DOCK7: variants seen among roughly 807,000 people sequenced by gnomAD.
The protein encoded by DOCK7 is dedicator of cytokinesis protein 7.
A neutral mutation model predicts 271.0 loss-of-function variants in DOCK7; 138 were observed. That is an observed-to-expected ratio of 0.51 (90% CI 0.44 to 0.59). The LOEUF (loss-of-function observed/expected upper bound fraction) is 0.59, where lower values mean the gene tolerates loss of function less well. Ranked by LOEUF, DOCK7 falls within the 20% of genes least tolerant of loss-of-function variation. DOCK7 has a pLI of 0.00. For synonymous variants in DOCK7, 823 were observed against 876.1 expected (o/e 0.94, Z 1.07); for missense variants, 2,066 against 2,592.4 (o/e 0.80, Z 4.41).
intron 48 of DOCK7, among the ~76,000 whole-genome samples, chr1:62,472,850 A>G (rs1399596812): frequency 6.6e-6 from 1 of 152,152 alleles, no homozygotes. Context: ...CCAGCTCCTG[A>G]TAAAAACTTT....
chr1:62,460,098 CAAAAAAAAA>C (rs71053316), intron 48 of DOCK7, among the ~76,000 whole-genome samples: 3 of 66,022 alleles, frequency 4.5e-5, no homozygotes, highest in African/African-American at 1.9e-4. Flanking sequence ...AGACTCGTCT[CAAAAAAAAA>C]AAAAAAAAAA....
At chr1:62,528,403 A>G in intron 30 of DOCK7, 98 bp from the exon 31 acceptor site, 3 of 1,135,040 alleles carry the variant, frequency 2.6e-6, no homozygotes, top group Non-Finnish European at 3.6e-6. Context: ...ACTTGTTGAC[A>G]TGTTATAGTT....
intron 22 of DOCK7, among the ~76,000 whole-genome samples, chr1:62,549,579 C>G (rs763495111): frequency 6.6e-6 from 1 of 152,168 alleles, no homozygotes; most frequent in South Asian, 2.1e-4. Context: ...AAAGATGTAT[C>G]ATGTGTACTA....
At chr1:62,533,656 T>C (rs902666727) in intron 29 of DOCK7, among the ~76,000 whole-genome samples, 6 of 152,138 alleles carry the variant, frequency 3.9e-5, no homozygotes, top group African/African-American at 1.4e-4. Context: ...AAACTACTTC[T>C]TTAAAATAGA....
chr1:62,553,838 T>TGTGC (rs1030061198), intron 21 of DOCK7, among the ~76,000 whole-genome samples: 1 of 122,504 alleles, frequency 8.2e-6, no homozygotes, highest in Non-Finnish European at 2.0e-5. Flanking sequence ...CACACAGACG[T>TGTGC]GTGCGTGCGT....
intron 22 of DOCK7, among the ~76,000 whole-genome samples, chr1:62,549,469 T>G (rs530785366): frequency 1.3e-5 from 2 of 152,344 alleles, no homozygotes; most frequent in Non-Finnish European, 1.5e-5. Context: ...AAGGTAGCAG[T>G]TGAAATACTA....
chr1:62,464,422 C>T (rs529834375), intron 48 of DOCK7, among the ~76,000 whole-genome samples: 166 of 151,106 alleles, frequency 1.1e-3, no homozygotes, highest in African/African-American at 3.7e-3. Context: ...TGGCTCATGC[C>T]TGTAATCCCA....
chr1:62,542,463 G>T, intron 25 of DOCK7, 145 bp downstream of exon 25: 1 of 663,572 alleles, frequency 1.5e-6, no homozygotes, highest in Non-Finnish European at 2.5e-6. Flanking sequence ...ATTTAGAGAT[G>T]TAACACATGT....
At chr1:62,627,079 T>C (rs1467931259) in intron 11 of DOCK7, among the ~76,000 whole-genome samples, 1 of 152,182 alleles carries the variant, frequency 6.6e-6, no homozygotes, top group East Asian at 1.9e-4. Flanking sequence ...TTAAGGTTAA[T>C]TTAACATCCA....
intron 1 of DOCK7, among the ~76,000 whole-genome samples, chr1:62,676,746 G>T (rs1351723343): frequency 6.6e-6 from 1 of 152,200 alleles, no homozygotes; most frequent in East Asian, 1.9e-4. Context: ...TGATATGAAT[G>T]AAGGAGTTAG....
chr1:62,672,182 T>C (rs183315219), intron 1 of DOCK7, among the ~76,000 whole-genome samples: 163 of 152,294 alleles, frequency 1.1e-3, no homozygotes, highest in African/African-American at 3.6e-3. Context: ...GATGTGTATC[T>C]ATCATTACAT....
chr1:62,480,544 G>A (rs1348904509), intron 43 of DOCK7, among the ~76,000 whole-genome samples: 1 of 152,188 alleles, frequency 6.6e-6, no homozygotes, highest in Non-Finnish European at 1.5e-5. Context: ...CAGAGGTAAT[G>A]CATAGGGTTC....
At chr1:62,636,170 T>A (rs1401460114) in intron 8 of DOCK7, among the ~76,000 whole-genome samples, 1 of 152,164 alleles carries the variant, frequency 6.6e-6, no homozygotes, top group Non-Finnish European at 1.5e-5. Flanking sequence ...GAAAATGGCG[T>A]GAACCTGGGA....
At chr1:62,525,201 G>A (rs1042749302) in intron 31 of DOCK7, among the ~76,000 whole-genome samples, 37 of 151,376 alleles carry the variant, frequency 2.4e-4, no homozygotes, top group Non-Finnish European at 2.7e-4. Flanking sequence ...TAGAGATCAG[G>A]TTTTACCATG....
chr1:62,664,322 TC>T (rs1022290097), intron 1 of DOCK7, among the ~76,000 whole-genome samples: 2 of 152,172 alleles, frequency 1.3e-5, no homozygotes, highest in African/African-American at 4.8e-5. Context: ...GGGGTCAGTT[TC>T]CCCCATACTG....
intron 35 of DOCK7, 32 bp downstream of exon 35, chr1:62,507,930 G>A (rs752147665): frequency 1.7e-5 from 27 of 1,589,252 alleles, no homozygotes; most frequent in South Asian, 4.5e-5. Flanking sequence ...TACCAAATCC[G>A]TATTTTAAAT....
chr1:62,666,030 G>A (rs554210825), intron 1 of DOCK7, among the ~76,000 whole-genome samples: 1 of 152,122 alleles, frequency 6.6e-6, no homozygotes, highest in East Asian at 1.9e-4. Context: ...CAGGCGTGGT[G>A]GTGGGCACCT....
chr1:62,570,058 T>C (rs1646720331), intron 18 of DOCK7, among the ~76,000 whole-genome samples: 1 of 152,080 alleles, frequency 6.6e-6, no homozygotes, highest in Non-Finnish European at 1.5e-5. Context: ...GCCAGGGCAA[T>C]CAGACAAGAG....
intron 17 of DOCK7, among the ~76,000 whole-genome samples, chr1:62,578,446 G>A (rs1237838379): frequency 6.6e-6 from 1 of 151,920 alleles, no homozygotes; most frequent in South Asian, 2.1e-4. Context: ...CAGGCCAGGC[G>A]CCATGGCTCA....
Sources: allele counts gnomAD v4.1 joint callset (sites outside exome capture counted in the v4.1 genomes callset), GRCh38; gene constraint gnomAD v4.1.1; transcripts MANE v1.5; gene names NCBI Gene and HGNC (gene_info 2026-07-23, HGNC 2026-07-21).